The following FAM13C variants were observed in gnomAD, a reference collection of about 807,000 sequenced individuals.
FAM13C encodes family with sequence similarity 13 member C, also known as protein FAM13C.
Under a neutral mutation model 73.2 loss-of-function variants are expected in FAM13C, and 37 were observed. That is an observed-to-expected ratio of 0.51 (90% confidence interval 0.39 to 0.67). The LOEUF (loss-of-function observed/expected upper bound fraction) is 0.67. Among genes scored for constraint, FAM13C ranks in the 30% least tolerant of loss-of-function variants. FAM13C has a pLI of 0.00. For synonymous variants in FAM13C, 246 were observed against 260.9 expected, an observed-to-expected ratio of 0.94 and a Z score of 0.55; for missense variants, 589 against 715.6, an observed-to-expected ratio of 0.82 and a Z score of 2.02.
At position 59,352,461 on chromosome 10, in the gene FAM13C, T is replaced by C; in HGVS notation, c.133A>G (p.Lys45Glu). The change falls in exon 3 of 14, where the codon AAA becomes GAA. Residue 45 changes from lysine (K) to glutamate (E), a missense_variant. Physicochemically the swap from Lys to Glu is moderately conservative, Grantham distance 56. Transcript: ENST00000618804. ...DCSSLRDENN[K>E]ENYPDAGALV... The stretch of plus-strand genomic sequence containing the variant: ...GCCCCTGCGTCGGGGTAGTTCTCTT[T>C]ATTGTTTTCATCTCTAAAACAGGAA... 2 of 1,608,492 alleles carry C rather than the reference T, an allele frequency of 1.2e-6. No individual in the cohort carries two copies.
intron 10 of FAM13C, 51 bp from the exon 11 acceptor site, chr10:59,254,494 C>T (rs540231614): frequency 2.2e-5 from 24 of 1,113,378 alleles, no homozygotes; most frequent in Admixed American, 8.2e-5. Context: ...AGAATGAAAA[C>T]GTCAACATTT....
At chr10:59,289,464 C>T (rs1285948588) in intron 5 of FAM13C, among the ~76,000 whole-genome samples, 2 of 152,178 alleles carry the variant, frequency 1.3e-5, no homozygotes, top group Admixed American at 1.3e-4. Flanking sequence ...GTGCAGAGTT[C>T]GTGTCCACCT....
At chr10:59,318,504 A>T (rs916773110) in intron 4 of FAM13C, among the ~76,000 whole-genome samples, 2 of 152,158 alleles carry the variant, frequency 1.3e-5, no homozygotes, top group African/African-American at 4.8e-5. Flanking sequence ...AGCCAGAAGA[A>T]GCTCCAGAAA....
intron 1 of FAM13C, among the ~76,000 whole-genome samples, 169 bp downstream of exon 1, chr10:59,362,230 G>T (rs1856501718): frequency 6.6e-6 from 1 of 152,174 alleles, no homozygotes; most frequent in Non-Finnish European, 1.5e-5. Context: ...AACCTGTAAA[G>T]ATTTCTGGGC....
At chr10:59,325,641 A>G (rs1313344987) in intron 3 of FAM13C, among the ~76,000 whole-genome samples, 1 of 152,148 alleles carries the variant, frequency 6.6e-6, no homozygotes, top group Non-Finnish European at 1.5e-5. Context: ...CCTTGGCCAA[A>G]TTACATAAGT....
chr10:59,278,736 T>C (rs536629390), intron 6 of FAM13C, among the ~76,000 whole-genome samples: 1 of 151,970 alleles, frequency 6.6e-6, no homozygotes, highest in East Asian at 1.9e-4. Flanking sequence ...CTACTTTCCA[T>C]AATAGTAGCC....
At chr10:59,334,786 A>G (rs1174258077) in intron 3 of FAM13C, among the ~76,000 whole-genome samples, 1 of 151,754 alleles carries the variant, frequency 6.6e-6, no homozygotes, top group Non-Finnish European at 1.5e-5. Flanking sequence ...TAGCATTAGG[A>G]GATATACCTA....
intron 4 of FAM13C, among the ~76,000 whole-genome samples, chr10:59,309,006 T>C (rs1263534784): frequency 6.6e-6 from 1 of 152,206 alleles, no homozygotes; most frequent in Non-Finnish European, 1.5e-5. Flanking sequence ...ACATTTTAGC[T>C]CACAGTTGTA....
In FAM13C at chr10:59,330,049, C is replaced by A. The variant is rs143698160; in HGVS notation, c.325-5943G>T. Among the ~76,000 whole-genome samples, 168 of 152,260 alleles carry A rather than the reference C, an allele frequency of 1.1e-3. 1 individual carries two copies. The highest frequency in any genetic ancestry group is 3.5e-3 in the African/African-American group (147 of 41,550). Reference sequence around the variant, plus strand: ...GCGGATATTGAGTATTTCCATTCACCAGCTAGTGTGGAAATATTTGAATAA... The same window carrying A: ...GCGGATATTGAGTATTTCCATTCACAAGCTAGTGTGGAAATATTTGAATAA... On this transcript the variant is annotated intron_variant, in intron 3 of 13. Transcript: ENST00000618804.
At chr10:59,329,342 G>GTTTT (rs71006247) in intron 3 of FAM13C, among the ~76,000 whole-genome samples, 11 of 77,298 alleles carry the variant, frequency 1.4e-4, no homozygotes, top group East Asian at 7.7e-4. Flanking sequence ...TTTCTTTCTG[G>GTTTT]TTTTTTTTTT....
chr10:59,342,378 G>T (rs886884414), intron 3 of FAM13C, among the ~76,000 whole-genome samples: 1 of 151,830 alleles, frequency 6.6e-6, no homozygotes, highest in African/African-American at 2.4e-5. Flanking sequence ...AAAAAATCCT[G>T]GCAGCTCTCA....
At chr10:59,253,155 T>C (rs191367027) in intron 11 of FAM13C, among the ~76,000 whole-genome samples, 157 bp from the exon 12 acceptor site, 21 of 152,306 alleles carry the variant, frequency 1.4e-4, no homozygotes, top group Admixed American at 1.2e-3. Flanking sequence ...CAAGAGGAGC[T>C]CTTCCGCAGT....
At chr10:59,358,173 T>C (rs1308160730) in intron 1 of FAM13C, among the ~76,000 whole-genome samples, 1 of 152,154 alleles carries the variant, frequency 6.6e-6, no homozygotes, top group Admixed American at 6.5e-5. Flanking sequence ...GAGTTGGAAG[T>C]TCAAGACCAG....
chr10:59,249,152 C>A (rs1157439888), intron 13 of FAM13C, among the ~76,000 whole-genome samples: 2 of 152,118 alleles, frequency 1.3e-5, no homozygotes, highest in Non-Finnish European at 2.9e-5. Flanking sequence ...CGCCTGTAAT[C>A]CCAGCACTTT....
At chr10:59,260,113 T>C (rs1471275555) in intron 10 of FAM13C, among the ~76,000 whole-genome samples, 7 of 152,048 alleles carry the variant, frequency 4.6e-5, no homozygotes, top group Non-Finnish European at 8.8e-5. Context: ...TGCTTCAACA[T>C]GTCCTTTTGA....
rs1437958561 is a variant in FAM13C at position 59,352,467 on chromosome 10, T to C, written c.127A>G (p.Asn43Asp). ...QTDCSSLRDENNKENYPDAGA... is the reference protein window; with the variant it reads ...QTDCSSLRDEDNKENYPDAGA... ...GCGTCGGGGTAGTTCTCTTTATTGT[T>C]TTCATCTCTAAAACAGGAAAGACCC... Residue 43 changes from asparagine (N) to aspartate (D), a missense_variant, in exon 3 of 14, where the codon AAC becomes GAC. Physicochemically the swap from Asn to Asp is conservative, Grantham distance 23. Transcript: ENST00000618804. The C allele has an allele frequency of 6.2e-7, 1 of 1,605,302 alleles. No homozygotes were observed. The highest frequency in any genetic ancestry group is 8.5e-7 in the Non-Finnish European group (1 of 1,176,466).
intron 10 of FAM13C, among the ~76,000 whole-genome samples, chr10:59,258,333 C>T (rs935235094): frequency 6.6e-6 from 1 of 152,008 alleles, no homozygotes; most frequent in African/African-American, 2.4e-5. Flanking sequence ...AATTAAAATA[C>T]TCAACCAGGC....
At chr10:59,353,384 A>C (rs891470645) in intron 2 of FAM13C, among the ~76,000 whole-genome samples, 5 of 152,196 alleles carry the variant, frequency 3.3e-5, no homozygotes, top group African/African-American at 1.2e-4. Flanking sequence ...TTCTCTATAT[A>C]ATCAATATCA....
At chr10:59,355,590 C>T (rs1419168161) in intron 2 of FAM13C, among the ~76,000 whole-genome samples, 6 of 152,222 alleles carry the variant, frequency 3.9e-5, no homozygotes, top group Admixed American at 3.9e-4. Context: ...GAATAATCTA[C>T]AGCCTCTTCC....
Sources: gnomAD v4.1 joint callset for allele counts (sites outside exome capture counted in the v4.1 genomes callset) on GRCh38, gnomAD v4.1.1 for gene constraint, MANE v1.5 for transcripts, NCBI Gene and HGNC (gene_info 2026-07-23, HGNC 2026-07-21) for gene names.